Variants in SOX5 observed in about 807,000 individuals in gnomAD.
The protein encoded by SOX5 is transcription factor SOX-5.
In SOX5, 9 loss-of-function variants were observed where a neutral mutation model predicts 92.0. The ratio of observed to expected loss-of-function variants is 0.10; its 90% CI spans 0.06 to 0.17. The LOEUF (loss-of-function observed/expected upper bound fraction) is 0.17. Ranked by LOEUF, SOX5 falls within the 10% of genes least tolerant of loss-of-function variation. The pLI, the probability that SOX5 is intolerant of heterozygous loss-of-function variation, is 1.00. For missense variants in SOX5, 642 were observed against 944.5 expected, an observed-to-expected ratio of 0.68 and a Z score of 4.20; for synonymous variants, 344 against 336.3, an observed-to-expected ratio of 1.02 and a Z score of -0.25.
At chr12:23,945,917 T>G (rs75820783) in intron 1 of SOX5, among the ~76,000 whole-genome samples, 240 of 152,286 alleles carry the variant, frequency 1.6e-3, no homozygotes, top group Non-Finnish European at 2.7e-3. Context: ...AAACTTTAGG[T>G]AACTAAAATA....
intron 4 of SOX5, among the ~76,000 whole-genome samples, chr12:24,034,393 G>A (rs1955811492): frequency 6.6e-6 from 1 of 152,004 alleles, no homozygotes; most frequent in Non-Finnish European, 1.5e-5. Context: ...ATGTGTGGTA[G>A]TGCTAATGAA....
Position 23,534,077 on chromosome 12 carries a change from T to C in SOX5, c.*142A>G. The C allele has an allele frequency of 1.4e-6, 1 of 694,912 alleles. No homozygotes were observed. Among genetic ancestry groups the C allele is most frequent in the Non-Finnish European group, 2.5e-6 (1 of 405,152 alleles). 43.0% of individuals were successfully genotyped at this position (694,912 alleles called of 1,614,324 possible). The stretch of plus-strand genomic sequence containing the variant: ...GCCTTTTGAGGCTGAGGTCTATTAG[T>C]CAGCTGATGTCCCAACTATTTAAGA... On this transcript the variant is annotated 3_prime_UTR_variant, in exon 15 of 15. Coordinates refer to ENST00000451604, the MANE Select transcript of SOX5 (RefSeq NM_006940.6).
chr12:24,294,154 T>C (rs1946929584), intron 2 of SOX5, among the ~76,000 whole-genome samples: 1 of 152,166 alleles, frequency 6.6e-6, no homozygotes, highest in Admixed American at 6.5e-5. Flanking sequence ...AATGTATCCA[T>C]CTGTTCGCCT....
At chr12:23,560,800 AC>A (rs2136310523) in intron 11 of SOX5, among the ~76,000 whole-genome samples, 1 of 152,344 alleles carries the variant, frequency 6.6e-6, no homozygotes, top group South Asian at 2.1e-4. Context: ...TAGAAATGAC[AC>A]CCAAGTTATT....
intron 3 of SOX5, among the ~76,000 whole-genome samples, chr12:23,819,758 C>G (rs138765217): frequency 2.0e-5 from 3 of 152,124 alleles, no homozygotes; most frequent in Non-Finnish European, 4.4e-5. Context: ...GACATGAACT[C>G]ATTTTTCTTT....
At chr12:23,702,358 T>C (rs1255148515) in intron 6 of SOX5, among the ~76,000 whole-genome samples, 3 of 152,088 alleles carry the variant, frequency 2.0e-5, no homozygotes, top group East Asian at 1.9e-4. Context: ...CCCAAAATTA[T>C]CAGCTAAAAG....
intron 3 of SOX5, among the ~76,000 whole-genome samples, chr12:23,770,550 T>C (rs796138897): frequency 1.3e-4 from 19 of 151,488 alleles, no homozygotes; most frequent in African/African-American, 4.4e-4. Flanking sequence ...TTTTTCAGAT[T>C]TTTTTTTCAA....
chr12:24,521,708 C>T lies in SOX5; in HGVS notation c.-251+40621G>A, dbSNP rs189690443. Among the ~76,000 whole-genome samples the T allele has an allele frequency of 5.9e-4, 89 of 151,892 alleles. 2 individuals are homozygous for T. Among genetic ancestry groups the T allele is most frequent in the Admixed American group, 5.3e-3 (81 of 15,260 alleles). ...AAGTAAACAACACACTCTTGAACAA[C>T]CATAGGGTCAAAGAGGAAATCAAAA... is the stretch of plus-strand genomic sequence containing the variant. On this transcript the variant is annotated intron_variant, in intron 1 of 4. Coordinates refer to the SOX5 transcript ENST00000446891.
chr12:23,879,565 C>T (rs1568572226), intron 2 of SOX5, among the ~76,000 whole-genome samples: 1 of 152,026 alleles, frequency 6.6e-6, no homozygotes, highest in Non-Finnish European at 1.5e-5. Flanking sequence ...CAGCATGGTA[C>T]CAGGGCATCA....
At chr12:24,053,706 T>C (rs1022027045) in intron 4 of SOX5, among the ~76,000 whole-genome samples, 1 of 152,232 alleles carries the variant, frequency 6.6e-6, no homozygotes, top group East Asian at 1.9e-4. Context: ...TTCAAATTGC[T>C]GCACCTCATG....
Position 23,631,968 on chromosome 12 carries a change from G to A in SOX5, c.1017+8844C>T, listed in dbSNP as rs191263850. On this transcript the variant is annotated intron_variant, in intron 8 of 14. Transcript: ENST00000451604. ...AGGTTCTTCCTTAAAGGGGATTCTC[G>A]ACAAACTGCTGGGCTCTGACTCTAG... is the stretch of plus-strand genomic sequence containing the variant. 2.0e-4 allele frequency among the ~76,000 whole-genome samples: 31 copies of A among 152,180 alleles called. No individual in the cohort carries two copies. In the East Asian group the frequency reaches 4.8e-3, roughly 24 times the overall value.
At chr12:23,577,554 G>GT (rs1314396737) in intron 9 of SOX5, among the ~76,000 whole-genome samples, 1 of 151,676 alleles carries the variant, frequency 6.6e-6, no homozygotes, top group Non-Finnish European at 1.5e-5. Context: ...TGATTCTGTG[G>GT]TTATGTGCAC....
chr12:24,102,637 T>C (rs1946221102), intron 4 of SOX5, among the ~76,000 whole-genome samples: 1 of 152,192 alleles, frequency 6.6e-6, no homozygotes, highest in Non-Finnish European at 1.5e-5. Context: ...GTAAGAACTT[T>C]CCAGGGCACT....
intron 11 of SOX5, among the ~76,000 whole-genome samples, chr12:23,561,813 T>TAA (rs34791864): frequency 1.4e-5 from 2 of 139,062 alleles, no homozygotes; most frequent in Non-Finnish European, 3.1e-5. Context: ...TTTGGAGGAT[T>TAA]AAAAAAAAAA....
chr12:23,854,826 T>C (rs2096669371), intron 2 of SOX5, among the ~76,000 whole-genome samples: 1 of 152,080 alleles, frequency 6.6e-6, no homozygotes, highest in African/African-American at 2.4e-5. Flanking sequence ...AAAATGGGGA[T>C]AATATTAGCA....
In SOX5 at chr12:24,163,318, G is replaced by T. The variant is rs111702180; in HGVS notation, c.-2+50025C>A. On this transcript the variant is annotated intron_variant, in intron 4 of 4. Coordinates refer to the SOX5 transcript ENST00000446891. The stretch of plus-strand genomic sequence containing the variant: ...GTCTGTTATTTTGAAGTGCTCCTTT[G>T]CAGACGTGTCTACATTTATCTTAAT... 2.2e-3 allele frequency among the ~76,000 whole-genome samples: 339 copies of T among 152,154 alleles called. 2 individuals carry two copies. Among genetic ancestry groups the T allele is most frequent in the African/African-American group, 7.9e-3 (328 of 41,526 alleles).
intron 3 of SOX5, among the ~76,000 whole-genome samples, chr12:24,247,645 C>CTTTT (rs11300258): frequency 4.0e-5 from 3 of 75,580 alleles, no homozygotes; most frequent in African/African-American, 1.4e-4. Flanking sequence ...TATTTATTTA[C>CTTTT]TTTTTTTTTT....
intron 4 of SOX5, among the ~76,000 whole-genome samples, chr12:24,141,652 A>G (rs1950594112): frequency 6.6e-6 from 1 of 152,154 alleles, no homozygotes; most frequent in Non-Finnish European, 1.5e-5. Flanking sequence ...GCACTAGTGG[A>G]TCCTAATACA....
chr12:24,343,181 G>T (rs558802421), intron 2 of SOX5, among the ~76,000 whole-genome samples: 2 of 152,160 alleles, frequency 1.3e-5, no homozygotes, highest in Non-Finnish European at 2.9e-5. Context: ...GTCCAGGTTG[G>T]CTTTCAACTC....
Sources: gnomAD v4.1 joint callset for allele counts (sites outside exome capture counted in the v4.1 genomes callset) on GRCh38, gnomAD v4.1.1 for gene constraint, MANE v1.5 for transcripts, NCBI Gene and HGNC (gene_info 2026-07-23, HGNC 2026-07-21) for gene names.